ATRN: variants seen among roughly 807,000 people sequenced by gnomAD.
The protein encoded by ATRN is attractin-2.
In ATRN, 54 loss-of-function variants were observed where a neutral mutation model predicts 178.7. That is an observed-to-expected ratio of 0.30 (90% CI 0.24 to 0.38). The LOEUF is 0.38. ATRN is among the 10% of genes least tolerant of loss of function. ATRN has a pLI of 1.00. For synonymous variants in ATRN, 636 were observed against 663.0 expected (o/e 0.96, Z 0.63); for missense variants, 1,443 against 1,815.1 (o/e 0.79, Z 3.73).
chr20:3,585,920 G>T (rs905194937), intron 18 of ATRN, among the ~76,000 whole-genome samples: 1 of 152,150 alleles, frequency 6.6e-6, no homozygotes, highest in Non-Finnish European at 1.5e-5. Flanking sequence ...TGAGATGGCT[G>T]TAATCAATAA....
At chr20:3,523,614 G>A (rs558542190) in intron 1 of ATRN, among the ~76,000 whole-genome samples, 21 of 152,216 alleles carry the variant, frequency 1.4e-4, no homozygotes, top group African/African-American at 4.6e-4. Flanking sequence ...ACATATAATC[G>A]TCAGATTCAC....
intron 24 of ATRN, among the ~76,000 whole-genome samples, chr20:3,618,970 C>G (rs993282079): frequency 3.9e-5 from 6 of 152,220 alleles, no homozygotes; most frequent in African/African-American, 1.4e-4. Flanking sequence ...CCATCCTTTG[C>G]AAAGCCAAGA....
At chr20:3,612,112 A>C (rs1031197172) in intron 24 of ATRN, among the ~76,000 whole-genome samples, 7 of 152,222 alleles carry the variant, frequency 4.6e-5, no homozygotes, top group Non-Finnish European at 8.8e-5. Flanking sequence ...AAACAAGCCA[A>C]ATATTCCTCA....
intron 15 of ATRN, among the ~76,000 whole-genome samples, chr20:3,579,443 G>A (rs1264098531): frequency 1.3e-5 from 2 of 152,086 alleles, no homozygotes; most frequent in Admixed American, 6.5e-5. Context: ...CTGAGATTGC[G>A]CCACCGCACT....
intron 1 of ATRN, among the ~76,000 whole-genome samples, chr20:3,474,215 A>G (rs751414745): frequency 1.3e-5 from 2 of 152,104 alleles, no homozygotes; most frequent in African/African-American, 2.4e-5. Flanking sequence ...GTTGTCTCAA[A>G]TAGTGTCACA....
intron 23 of ATRN, among the ~76,000 whole-genome samples, chr20:3,603,007 A>G (rs1386549635): frequency 7.1e-6 from 1 of 141,356 alleles, no homozygotes; most frequent in African/African-American, 2.6e-5. Context: ...ATTTGCCATG[A>G]GTGTCTCAAT....
At chr20:3,594,200 AAGAG>A (rs1321335297) in intron 19 of ATRN, among the ~76,000 whole-genome samples, 1 of 152,210 alleles carries the variant, frequency 6.6e-6, no homozygotes, top group Non-Finnish European at 1.5e-5. Context: ...AGCAGTGAAA[AAGAG>A]AGTCTATTGA....
chr20:3,578,161 G>A (rs921030594), intron 14 of ATRN, among the ~76,000 whole-genome samples: 1 of 152,134 alleles, frequency 6.6e-6, no homozygotes, highest in Non-Finnish European at 1.5e-5. Flanking sequence ...TGCAGCTTTT[G>A]GAGACTATAG....
At chr20:3,582,013 G>T in intron 15 of ATRN, 122 bp from the exon 16 acceptor site, 1 of 877,268 alleles carries the variant, frequency 1.1e-6, no homozygotes. Context: ...GCCAAGGTGG[G>T]AGGATCACTT....
At chr20:3,616,332 A>G (rs2086846507) in intron 24 of ATRN, among the ~76,000 whole-genome samples, 1 of 152,196 alleles carries the variant, frequency 6.6e-6, no homozygotes, top group Non-Finnish European at 1.5e-5. Context: ...GGCCCAGAGC[A>G]GCAGCTGTGA....
intron 3 of ATRN, among the ~76,000 whole-genome samples, chr20:3,543,108 C>T (rs1274553207): frequency 6.6e-6 from 1 of 152,150 alleles, no homozygotes; most frequent in Non-Finnish European, 1.5e-5. Context: ...GCCTTCCTTT[C>T]ACCCTTTCTA....
intron 23 of ATRN, among the ~76,000 whole-genome samples, chr20:3,602,793 G>A (rs747762877): frequency 9.9e-5 from 15 of 151,554 alleles, no homozygotes; most frequent in African/African-American, 2.9e-4. Context: ...GTGAAATCCC[G>A]TCCCTACTAA....
Position 3,538,617 on chromosome 20 carries a change from C to A in ATRN, c.495-1605C>A, listed in dbSNP as rs188481965. Reference sequence around the variant, plus strand: ...AGTGAAAAACTAAGCAACAAACTCTCATTCCCCCTTTTCCTTATTCCCTAC... The same window carrying A: ...AGTGAAAAACTAAGCAACAAACTCTAATTCCCCCTTTTCCTTATTCCCTAC... On this transcript the variant is annotated intron_variant, in intron 2 of 28. Transcript: ENST00000262919. Among the ~76,000 whole-genome samples, 912 of 152,254 alleles carry A rather than the reference C, an allele frequency of 6.0e-3. 10 individuals are homozygous for A. Among genetic ancestry groups the A allele is most frequent in the African/African-American group, 0.02 (847 of 41,526 alleles).
intron 24 of ATRN, among the ~76,000 whole-genome samples, chr20:3,604,522 G>C (rs17783039): frequency 0.038 from 5,785 of 152,308 alleles, 147 homozygotes; most frequent in Non-Finnish European, 0.056. Flanking sequence ...CATTATAAAC[G>C]TATTCACTTC....
chr20:3,493,343 A>G (rs1182404311), intron 1 of ATRN, among the ~76,000 whole-genome samples: 3 of 147,296 alleles, frequency 2.0e-5, no homozygotes, highest in Admixed American at 1.4e-4. Flanking sequence ...TTTTTTTGGT[A>G]GAGATGGGGT....
chr20:3,559,929 G>A (rs1345757253), intron 7 of ATRN, among the ~76,000 whole-genome samples: 1 of 152,136 alleles, frequency 6.6e-6, no homozygotes, highest in South Asian at 2.1e-4. Flanking sequence ...TGAAGTATTA[G>A]AGATGTAAAA....
At chr20:3,646,054 A>G (rs541087235) in intron 28 of ATRN, among the ~76,000 whole-genome samples, 1 of 152,320 alleles carries the variant, frequency 6.6e-6, no homozygotes, top group East Asian at 1.9e-4. Context: ...GACTTTATGC[A>G]TGCCAGGTAC....
Position 3,549,266 on chromosome 20 carries a change from T to A in ATRN, c.1040T>A (p.Val347Glu). 1.2e-6 allele frequency: 2 copies of A among 1,610,512 alleles called. No individual in the cohort carries two copies. Among genetic ancestry groups the A allele is most frequent in the South Asian group, 2.2e-5 (2 of 90,178 alleles). ...CTCCCCAGAGCATCTCATAAAGCTG[T>A]GGTCAATGGAAACATTATGTGGGTT... The part of the protein sequence containing the change: ...LKLPRASHKA[V>E]VNGNIMWVVG... The change falls in exon 6 of 29, where the codon GTG (valine) becomes GAG (glutamate). Residue 347 changes from valine to glutamate, a missense_variant. Val to Glu is a moderately radical substitution (Grantham distance 121). Transcript: ENST00000262919.
intron 1 of ATRN, among the ~76,000 whole-genome samples, chr20:3,489,116 A>G (rs993433432): frequency 6.6e-6 from 1 of 152,094 alleles, no homozygotes; most frequent in African/African-American, 2.4e-5. Context: ...GTGCGCCACC[A>G]TGCCAGACTA....
Sources: allele counts gnomAD v4.1 joint callset (sites outside exome capture counted in the v4.1 genomes callset), GRCh38; gene constraint gnomAD v4.1.1; transcripts MANE v1.5; gene names NCBI Gene and HGNC (gene_info 2026-07-23, HGNC 2026-07-21).